The following AK5 variants were observed in gnomAD, a reference collection of about 807,000 sequenced individuals.
AK5 encodes the protein adenylate kinase isoenzyme 5.
A neutral mutation model predicts 69.5 loss-of-function variants in AK5; 27 were observed. That is an observed-to-expected ratio of 0.39 (90% CI 0.29 to 0.54). The LOEUF is 0.54. AK5 is among the 20% of genes least tolerant of loss of function. The probability of loss-of-function intolerance (pLI) is 0.71; values close to 1 mark genes in which losing one functional copy is unlikely to be tolerated. For synonymous variants in AK5, 260 were observed against 244.4 expected (o/e 1.06, Z -0.60); for missense variants, 531 against 700.4 (o/e 0.76, Z 2.73).
intron 13 of AK5, among the ~76,000 whole-genome samples, chr1:77,545,600 A>T (rs1482890274): frequency 1.3e-5 from 2 of 152,040 alleles, no homozygotes; most frequent in African/African-American, 4.8e-5. Flanking sequence ...GCAAAGGCTG[A>T]TTTTTTTTAA....
At chr1:77,356,934 C>G (rs192359595) in intron 6 of AK5, among the ~76,000 whole-genome samples, 23 of 152,248 alleles carry the variant, frequency 1.5e-4, no homozygotes, top group African/African-American at 5.3e-4. Flanking sequence ...TGTTGCCAAG[C>G]CTGTCACCAA....
At chr1:77,546,372 A>C (rs369916679) in intron 13 of AK5, among the ~76,000 whole-genome samples, 1 of 152,226 alleles carries the variant, frequency 6.6e-6, no homozygotes, top group South Asian at 2.1e-4. Flanking sequence ...TGACATGCTC[A>C]GCAGACATTT....
chr1:77,467,818 A>G (rs564559089), intron 8 of AK5, among the ~76,000 whole-genome samples: 4 of 152,186 alleles, frequency 2.6e-5, no homozygotes, highest in Non-Finnish European at 4.4e-5. Context: ...ATCTGAGAGG[A>G]CCAGCCCTGT....
intron 8 of AK5, among the ~76,000 whole-genome samples, chr1:77,458,115 A>G (rs1405351795): frequency 1.3e-5 from 2 of 151,850 alleles, no homozygotes; most frequent in African/African-American, 4.8e-5. Context: ...AAAAAAAAAA[A>G]AAAAAAAGGG....
intron 10 of AK5, among the ~76,000 whole-genome samples, chr1:77,503,531 T>G (rs188587398): frequency 6.6e-6 from 1 of 152,220 alleles, no homozygotes; most frequent in Non-Finnish European, 1.5e-5. Context: ...TAAAGGGTTA[T>G]AAAAGGTTTA....
At chr1:77,283,409 G>T in intron 1 of AK5, 1 of 985,094 alleles carries the variant, frequency 1.0e-6, no homozygotes, top group Non-Finnish European at 1.2e-6. Flanking sequence ...GACTGATATC[G>T]TAAACTAAAG....
rs553143853 is a variant in AK5, at chr1:77,533,077, G to A, written c.1429-2770G>A. 1.4e-4 allele frequency among the ~76,000 whole-genome samples: 21 copies of A among 152,268 alleles called. No homozygotes were observed. The South Asian group carries it at 3.5e-3, about 26-fold the overall frequency. ...TCACTTCCAAATAGAATAACTGATC[G>A]ATAGCTTTTTATATAGGAAGAGAGT... On this transcript the variant is annotated intron_variant, in intron 12 of 13. Coordinates refer to ENST00000354567, the MANE Select transcript of AK5 (RefSeq NM_174858.3).
At chr1:77,402,919 A>G (rs1162688781) in intron 6 of AK5, among the ~76,000 whole-genome samples, 2 of 152,198 alleles carry the variant, frequency 1.3e-5, no homozygotes, top group Non-Finnish European at 2.9e-5. Flanking sequence ...CCAACACTGT[A>G]AAAGTGTTCC....
intron 3 of AK5, among the ~76,000 whole-genome samples, chr1:77,296,275 C>T (rs970177581): frequency 2.6e-5 from 4 of 151,942 alleles, no homozygotes; most frequent in African/African-American, 4.8e-5. Flanking sequence ...CTCATGTTAA[C>T]GTAATCATAA....
chr1:77,393,160 G>T (rs181177619), intron 6 of AK5, among the ~76,000 whole-genome samples: 1 of 152,138 alleles, frequency 6.6e-6, no homozygotes, highest in Non-Finnish European at 1.5e-5. Context: ...ATGTTGTCCA[G>T]GCTAGTAAAA....
At chr1:77,375,392 C>T (rs930344955) in intron 6 of AK5, among the ~76,000 whole-genome samples, 2 of 152,076 alleles carry the variant, frequency 1.3e-5, no homozygotes, top group Admixed American at 1.3e-4. Flanking sequence ...AGGAAAAGGA[C>T]ATCGGGGCAT....
chr1:77,548,698 T>C (rs1482174137), intron 13 of AK5, among the ~76,000 whole-genome samples: 2 of 152,208 alleles, frequency 1.3e-5, no homozygotes, highest in African/African-American at 4.8e-5. Flanking sequence ...CCAACTGTTT[T>C]ATGATTTACA....
chr1:77,381,194 A>T (rs527623217), intron 6 of AK5, among the ~76,000 whole-genome samples: 2 of 152,258 alleles, frequency 1.3e-5, no homozygotes, highest in South Asian at 4.2e-4. Flanking sequence ...TTGGGAGGTG[A>T]TCAGGTAATA....
chr1:77,394,227 A>G (rs1468688312), intron 6 of AK5, among the ~76,000 whole-genome samples: 2 of 151,818 alleles, frequency 1.3e-5, no homozygotes, highest in East Asian at 1.9e-4. Context: ...AAAAAAAAAA[A>G]GAAAAAGAAA....
intron 10 of AK5, among the ~76,000 whole-genome samples, chr1:77,514,486 A>AT: frequency 6.6e-6 from 1 of 152,334 alleles, no homozygotes; most frequent in Non-Finnish European, 1.5e-5. Context: ...GTATATGAAA[A>AT]TTTATGTTTC....
chr1:77,516,670 T>G (rs187853179), intron 10 of AK5, among the ~76,000 whole-genome samples: 30 of 152,042 alleles, frequency 2.0e-4, no homozygotes, highest in Non-Finnish European at 3.2e-4. Flanking sequence ...TAGGAGGCCA[T>G]TGAATGCTAT....
chr1:77,369,890 C>T (rs775610762), intron 6 of AK5, among the ~76,000 whole-genome samples: 10 of 152,174 alleles, frequency 6.6e-5, no homozygotes, highest in Non-Finnish European at 1.5e-4. Context: ...AGAGTGTAGT[C>T]ATGCCCTTCC....
intron 6 of AK5, among the ~76,000 whole-genome samples, chr1:77,367,480 C>A (rs1182859131): frequency 7.4e-6 from 1 of 134,556 alleles, no homozygotes; most frequent in Admixed American, 8.2e-5. Context: ...CCACACCTGG[C>A]TAGTTTTTTT....
At chr1:77,501,928 G>A (rs886617877) in intron 10 of AK5, among the ~76,000 whole-genome samples, 1 of 152,212 alleles carries the variant, frequency 6.6e-6, no homozygotes, top group African/African-American at 2.4e-5. Context: ...GGAGCACAGA[G>A]CTCAAAGAGA....
Sources: allele counts gnomAD v4.1 joint callset (sites outside exome capture counted in the v4.1 genomes callset), GRCh38; gene constraint gnomAD v4.1.1; transcripts MANE v1.5; gene names NCBI Gene and HGNC (gene_info 2026-07-23, HGNC 2026-07-21).